CASP4: variants seen among roughly 807,000 people sequenced by gnomAD.
CASP4 encodes caspase-4.
CASP4 carries 29 observed loss-of-function variants against 41.3 expected under a neutral mutation model. The observed-to-expected ratio is 0.70, with a 90% CI of 0.52 to 0.96. CASP4 has a LOEUF of 0.96. Ranked by LOEUF, CASP4 falls within the 40% of genes least tolerant of loss-of-function variation. The pLI, the probability that CASP4 is intolerant of heterozygous loss-of-function variation, is 0.00. For synonymous variants in CASP4, 185 were observed against 158.4 expected, an observed-to-expected ratio of 1.17 and a Z score of -1.26; for missense variants, 447 against 460.6, an observed-to-expected ratio of 0.97 and a Z score of 0.27.
intron 4 of CASP4, 49 bp downstream of exon 4, chr11:104,950,876 G>T: frequency 6.4e-7 from 1 of 1,555,986 alleles, no homozygotes; most frequent in Non-Finnish European, 8.8e-7. Context: ...GTTATTAGAA[G>T]GATGTGTCTT....
chr11:104,954,775 GT>G lies in CASP4; in HGVS notation c.233del (p.Asn78ThrfsTer2). ...AGQMLLQTFFNIDQISPNKKA... is the reference protein window; with the variant it reads ...AGQMLLQTFFXIDQISPNKKA... ...TTTTATTGGGGGATATTTGGTCTAT[GT>G]TAAAAAAGGTTTGAAGAAGCATTTG... On this transcript the variant is annotated frameshift_variant, in exon 2 of 9. Transcript: ENST00000444739. LOFTEE classifies it high-confidence loss of function. 6.2e-7 allele frequency: 1 copy of G among 1,613,430 alleles called. No homozygotes were observed. Among genetic ancestry groups the G allele is most frequent in the Non-Finnish European group, 8.5e-7 (1 of 1,179,570 alleles).
chr11:104,948,922 AT>A (rs1476905659), intron 5 of CASP4: 5 of 311,006 alleles, frequency 1.6e-5, no homozygotes, highest in Non-Finnish European at 3.0e-5. Context: ...TAGAAAAAAA[AT>A]CTGTTTTCTT....
At chr11:104,963,822 A>G (rs988163535) in intron 1 of CASP4, among the ~76,000 whole-genome samples, 6 of 152,212 alleles carry the variant, frequency 3.9e-5, no homozygotes, top group African/African-American at 1.2e-4. Flanking sequence ...GGGATCTGGG[A>G]TCCAGTATAA....
chr11:104,947,223 C>T (rs762315530), intron 6 of CASP4, 31 bp from the exon 7 acceptor site: 17 of 1,274,412 alleles, frequency 1.3e-5, no homozygotes, highest in Non-Finnish European at 1.8e-5. Flanking sequence ...ATGCCTTGGG[C>T]TATGACTTTC....
chr11:104,961,567 C>A (rs553514875), intron 1 of CASP4, among the ~76,000 whole-genome samples: 2 of 152,178 alleles, frequency 1.3e-5, no homozygotes, highest in Admixed American at 1.3e-4. Flanking sequence ...GGTATCTGTT[C>A]GGCTCCACTG....
chr11:104,943,290 T>A, intron 8 of CASP4: 1 of 259,280 alleles, frequency 3.9e-6, no homozygotes, highest in Non-Finnish European at 7.6e-6. Context: ...TCTCTGCCAT[T>A]TTCTCCACTC....
chr11:104,962,170 C>CT (rs1330941443), intron 1 of CASP4, among the ~76,000 whole-genome samples: 1 of 152,098 alleles, frequency 6.6e-6, no homozygotes, highest in Non-Finnish European at 1.5e-5. Context: ...AAAATGGTGA[C>CT]TTTTTTCTTG....
At chr11:104,951,136 A>C in intron 3 of CASP4, 38 bp from the exon 4 acceptor site, 1 of 1,589,036 alleles carries the variant, frequency 6.3e-7, no homozygotes, top group Non-Finnish European at 8.6e-7. Context: ...TAATTTACTC[A>C]AGTCTCCTTT....
intron 4 of CASP4, 107 bp downstream of exon 4, chr11:104,950,818 A>ACACACG (rs1296932570): frequency 1.0e-6 from 1 of 983,656 alleles, no homozygotes; most frequent in Non-Finnish European, 1.5e-6. Flanking sequence ...ACACACACAC[A>ACACACG]CACACCCAAA....
intron 1 of CASP4, among the ~76,000 whole-genome samples, chr11:104,964,380 A>G (rs1007502543): frequency 6.6e-6 from 1 of 152,218 alleles, no homozygotes; most frequent in Non-Finnish European, 1.5e-5. Context: ...AGATATTTGC[A>G]ACTTTTAACA....
chr11:104,947,269 T>C (rs933883679), intron 6 of CASP4, 77 bp from the exon 7 acceptor site: 49 of 894,832 alleles, frequency 5.5e-5, no homozygotes, highest in Non-Finnish European at 7.4e-5. Context: ...TTTGAGAATG[T>C]TTTTAAAAAG....
chr11:104,965,823 C>G (rs1353938055), intron 1 of CASP4, among the ~76,000 whole-genome samples: 2 of 152,188 alleles, frequency 1.3e-5, no homozygotes, highest in Non-Finnish European at 2.9e-5. Flanking sequence ...GATAATATCA[C>G]TTTATAAAAT....
chr11:104,954,820 C>T lies in CASP4; in HGVS notation c.189G>A (p.Glu63=). 1 of 1,613,782 alleles carries T rather than the reference C, an allele frequency of 6.2e-7. No individual in the cohort carries two copies. Among genetic ancestry groups the T allele is most frequent in the Non-Finnish European group, 8.5e-7 (1 of 1,179,764 alleles). ...GCATTTGTCCTGCCATACGTTGCTT[C>T]TCTTGCATAGAGTCTGCCATGACCC... The part of the protein sequence containing the change: ...KVRVMADSMQ[E]KQRMAGQMLL... Residue 63 remains glutamate (E), a synonymous_variant, in exon 2 of 9, where the codon GAG becomes GAA. Transcript: ENST00000444739.
At chr11:104,965,079 T>C (rs1860943447) in intron 1 of CASP4, among the ~76,000 whole-genome samples, 1 of 152,140 alleles carries the variant, frequency 6.6e-6, no homozygotes, top group African/African-American at 2.4e-5. Flanking sequence ...ATACCCATTG[T>C]TAGTTTTGTT....
chr11:104,951,226 C>T, intron 3 of CASP4, 128 bp from the exon 4 acceptor site: 1 of 704,114 alleles, frequency 1.4e-6, no homozygotes, highest in Non-Finnish European at 2.3e-6. Flanking sequence ...TCAAAAGACA[C>T]TGACTTTCTC....
intron 1 of CASP4, among the ~76,000 whole-genome samples, chr11:104,965,294 TTGGAAGCCC>T (rs1257508220): frequency 6.6e-6 from 1 of 152,220 alleles, no homozygotes; most frequent in African/African-American, 2.4e-5. Context: ...ATTGCAAGCA[TTGGAAGCCC>T]AGCCAGTCCT....
At chr11:104,953,944 G>A (rs1860676116) in intron 2 of CASP4, among the ~76,000 whole-genome samples, 1 of 152,084 alleles carries the variant, frequency 6.6e-6, no homozygotes, top group South Asian at 2.1e-4. Flanking sequence ...CTAGTTCATA[G>A]CATCCACATA....
Position 104,949,756 on chromosome 11 carries a change from C to T in CASP4, c.568G>A (p.Ala190Thr). The T allele has an allele frequency of 6.2e-7, 1 of 1,613,764 alleles. No homozygotes were observed. Among genetic ancestry groups the T allele is most frequent in the South Asian group, 1.1e-5 (1 of 91,070 alleles). ...TTGTGCTCTGGTCTGGTAGCAAATG[C>T]CCTCAGCGCTGACTCCATATCCTGT... ...TARDMESALRAFATRPEHKSS... is the reference protein window; with the variant it reads ...TARDMESALRTFATRPEHKSS... The change falls in exon 5 of 9, where the codon GCA becomes ACA. Residue 190 changes from alanine (A) to threonine (T), a missense_variant. Transcript: ENST00000444739.
chr11:104,955,278 A>G (rs1377565670), intron 1 of CASP4, among the ~76,000 whole-genome samples: 1 of 151,708 alleles, frequency 6.6e-6, no homozygotes, highest in Non-Finnish European at 1.5e-5. Context: ...ACCTAATGCA[A>G]ACTTCCTGGT....
Sources: allele counts gnomAD v4.1 joint callset (sites outside exome capture counted in the v4.1 genomes callset), GRCh38; gene constraint gnomAD v4.1.1; transcripts MANE v1.5; gene names NCBI Gene and HGNC (gene_info 2026-07-23, HGNC 2026-07-21).